The following SCN1A variants were observed in gnomAD, a reference collection of about 807,000 sequenced individuals.
SCN1A encodes the protein sodium voltage-gated channel alpha subunit 1.
A neutral mutation model predicts 193.7 loss-of-function variants in SCN1A; 13 were observed. That is an observed-to-expected ratio of 0.07 (90% CI 0.04 to 0.11). The LOEUF (loss-of-function observed/expected upper bound fraction) is 0.11, where lower values mean the gene tolerates loss of function less well. Among genes scored for constraint, SCN1A ranks in the 10% least tolerant of loss-of-function variants. The pLI is 1.00. For synonymous variants in SCN1A, 781 were observed against 843.6 expected (o/e 0.93, Z 1.29); for missense variants, 1,432 against 2,451.1 (o/e 0.58, Z 8.78).
chr2:166,008,083 T>C (rs892497086), intron 23 of SCN1A, among the ~76,000 whole-genome samples: 7 of 151,302 alleles, frequency 4.6e-5, no homozygotes, highest in Non-Finnish European at 8.9e-5. Context: ...CTATTAGTTA[T>C]ATCACTATCA....
upstream of SCN1A, among the ~76,000 whole-genome samples, chr2:166,129,257 G>C (rs1275823419): frequency 6.6e-6 from 1 of 152,114 alleles, no homozygotes; most frequent in Non-Finnish European, 1.5e-5. Flanking sequence ...TTGGTCCCAA[G>C]AGCCCAAAGA....
At chr2:166,076,068 T>A (rs1178154097) in intron 3 of SCN1A, among the ~76,000 whole-genome samples, 1 of 151,926 alleles carries the variant, frequency 6.6e-6, no homozygotes, top group African/African-American at 2.4e-5. Context: ...TTTTGATGTG[T>A]GGTCTTTTAA....
intron 2 of SCN1A, among the ~76,000 whole-genome samples, chr2:166,078,015 A>T (rs530214540): frequency 5.9e-5 from 9 of 152,030 alleles, no homozygotes; most frequent in Non-Finnish European, 1.0e-4. Context: ...AAAAGACAAA[A>T]CTACAGAGAC....
At chr2:166,061,066 G>A (rs906694098) in intron 4 of SCN1A, among the ~76,000 whole-genome samples, 3 of 152,160 alleles carry the variant, frequency 2.0e-5, no homozygotes, top group African/African-American at 7.2e-5. Context: ...ATGGGCTGGA[G>A]TGTGAGGATA....
Position 166,045,265 on chromosome 2 carries a change from T to G in SCN1A, c.1440A>C (p.Ser480=), listed in dbSNP as rs201383347. The change falls in exon 13 of 29, where the codon TCA becomes TCC. Residue 480 remains serine (S), a synonymous_variant. Transcript: ENST00000674923. ...SREPSAAGRL[S]DSSSEASKLS... ...ACTTAGAGGCTTCAGATGAGCTGTCTGAGAGCCTGCCTGCTGCACTGGGCT... is the reference window on the plus strand; with the variant it reads ...ACTTAGAGGCTTCAGATGAGCTGTCGGAGAGCCTGCCTGCTGCACTGGGCT... The G allele has an allele frequency of 3.3e-5, 53 of 1,614,188 alleles. No homozygotes were observed. The highest frequency in any genetic ancestry group is 2.3e-5 in the Non-Finnish European group (27 of 1,180,024).
chr2:165,993,078 G>T (rs1248230046), intron 28 of SCN1A: 2 of 151,612 alleles, frequency 1.3e-5, no homozygotes, highest in South Asian at 2.1e-4. Flanking sequence ...CTCTCCATTT[G>T]CTTTTTAGAT....
chr2:166,015,781 G>A (rs1427127311), intron 19 of SCN1A, 54 bp from the exon 20 acceptor site: 1 of 1,600,998 alleles, frequency 6.2e-7, no homozygotes, highest in African/African-American at 1.3e-5. Context: ...GTAATAAGTT[G>A]CCTGCCAAGA....
chr2:166,042,743 G>A (rs146059945), intron 14 of SCN1A, among the ~76,000 whole-genome samples: 91 of 152,274 alleles, frequency 6.0e-4, no homozygotes, highest in African/African-American at 2.1e-3. Context: ...TGAACTAATA[G>A]TAAAAGCCTA....
Position 166,145,765 on chromosome 2 carries a change from A to G in SCN1A, c.-50+3282T>C, listed in dbSNP as rs1574656662. Among the ~76,000 whole-genome samples, 3 of 152,356 alleles carry G rather than the reference A, an allele frequency of 2.0e-5. No homozygotes were observed. In the South Asian group the frequency reaches 6.2e-4, roughly 32 times the overall value. ...TCCTTCCAACAGCCTATGATTTTAT[A>G]ACTTTATGATTATACCATATGACCC... On this transcript the variant is annotated intron_variant, in intron 1 of 26. Transcript: ENST00000635750.
chr2:165,997,575 A>AAAAG, intron 26 of SCN1A, among the ~76,000 whole-genome samples: 1 of 151,362 alleles, frequency 6.6e-6, no homozygotes, highest in Non-Finnish European at 1.5e-5. Context: ...GGGAATATAT[A>AAAAG]AAAGAAATCA....
chr2:166,103,588 A>T (rs959493898), intron 2 of SCN1A, among the ~76,000 whole-genome samples: 3 of 152,084 alleles, frequency 2.0e-5, no homozygotes, highest in Non-Finnish European at 4.4e-5. Flanking sequence ...GAGGGGGAAA[A>T]ATGTTAAGAG....
intron 23 of SCN1A, among the ~76,000 whole-genome samples, chr2:166,006,088 T>G (rs1691614536): frequency 6.6e-6 from 1 of 151,392 alleles, no homozygotes; most frequent in African/African-American, 2.4e-5. Flanking sequence ...TGTCTTTTTA[T>G]CTGAATTAAT....
intron 2 of SCN1A, among the ~76,000 whole-genome samples, chr2:166,101,395 A>T (rs1688055682): frequency 6.8e-6 from 1 of 146,716 alleles, no homozygotes; most frequent in Non-Finnish European, 1.5e-5. Context: ...GCATTGGGAG[A>T]TATACCTAAT....
intron 27 of SCN1A, among the ~76,000 whole-genome samples, chr2:165,994,769 A>AT (rs985814885): frequency 3.3e-5 from 5 of 151,264 alleles, no homozygotes; most frequent in East Asian, 1.9e-4. Flanking sequence ...AACCCATTTA[A>AT]TTTTTTTTTC....
At chr2:166,016,355 C>T (rs1693291471) in intron 19 of SCN1A, 1 of 152,134 alleles carries the variant, frequency 6.6e-6, no homozygotes, top group African/African-American at 2.4e-5. Context: ...TATTTTAGAG[C>T]CTGAAGTGTT....
chr2:166,113,131 T>A (rs573137058), intron 2 of SCN1A, among the ~76,000 whole-genome samples: 1 of 152,266 alleles, frequency 6.6e-6, no homozygotes, highest in East Asian at 1.9e-4. Flanking sequence ...ACTTGTGGTA[T>A]CTGAGGATAA....
At chr2:165,998,311 C>T in intron 25 of SCN1A, 136 bp from the exon 26 acceptor site, 1 of 640,120 alleles carries the variant, frequency 1.6e-6, no homozygotes, top group South Asian at 2.3e-5. Context: ...AATCAACTAC[C>T]TCTAAAAAAC....
Position 166,073,403 on chromosome 2 carries a change from C to T in SCN1A, c.219G>A (p.Val73=), listed in dbSNP as rs1368680514. The T allele has an allele frequency of 6.2e-7, 1 of 1,614,050 alleles. No homozygotes were observed. The highest frequency in any genetic ancestry group is 2.2e-5 in the East Asian group (1 of 44,890). The change falls in exon 4 of 29, where the codon GTG becomes GTA. Residue 73 remains valine, a synonymous_variant. Transcript: ENST00000674923. ...GGTCCAGGTCCTCCAGGGGCTCTGA[C>T]ACCATCTCTGGAGGAATGTCTCCAT... ...FIYGDIPPEM[V]SEPLEDLDPY...
chr2:166,113,458 C>A (rs965115980), intron 2 of SCN1A, among the ~76,000 whole-genome samples: 1 of 151,832 alleles, frequency 6.6e-6, no homozygotes, highest in Non-Finnish European at 1.5e-5. Flanking sequence ...TACTCTAAGT[C>A]CCAATAAATA....
Sources: gnomAD v4.1 joint callset for allele counts (sites outside exome capture counted in the v4.1 genomes callset) on GRCh38, gnomAD v4.1.1 for gene constraint, MANE v1.5 for transcripts, NCBI Gene and HGNC (gene_info 2026-07-23, HGNC 2026-07-21) for gene names.